NR3C1: variants seen among roughly 807,000 people sequenced by gnomAD.
The protein encoded by NR3C1 is nuclear receptor subfamily 3 group C member 1, also known as glucocorticoid receptor.
In NR3C1, 14 loss-of-function variants were observed where a neutral mutation model predicts 74.0. The ratio of observed to expected loss-of-function variants is 0.19; its 90% confidence interval spans 0.12 to 0.30. The LOEUF is 0.30. Among genes scored for constraint, NR3C1 ranks in the 10% least tolerant of loss-of-function variants. NR3C1 has a pLI of 1.00. For missense variants in NR3C1, 695 were observed against 909.8 expected, an observed-to-expected ratio of 0.76 and a Z score of 3.04; for synonymous variants, 308 against 332.5, an observed-to-expected ratio of 0.93 and a Z score of 0.80.
At chr5:143,291,721 G>A (rs1343392755) in intron 7 of NR3C1, among the ~76,000 whole-genome samples, 1 of 152,150 alleles carries the variant, frequency 6.6e-6, no homozygotes, top group Non-Finnish European at 1.5e-5. Flanking sequence ...CTATCTTCAA[G>A]CTCACTGACT....
chr5:143,367,008 T>C (rs997400831), intron 2 of NR3C1, among the ~76,000 whole-genome samples: 4 of 152,028 alleles, frequency 2.6e-5, no homozygotes, highest in African/African-American at 9.7e-5. Flanking sequence ...AATGCAAGCA[T>C]CCTCAACAAA....
intron 1 of NR3C1, among the ~76,000 whole-genome samples, chr5:143,413,944 T>C (rs1841394329): frequency 6.6e-6 from 1 of 152,130 alleles, no homozygotes; most frequent in Non-Finnish European, 1.5e-5. Flanking sequence ...TCCATGACAA[T>C]AGCTTTTTAT....
chr5:143,405,606 A>G (rs910127384), upstream of NR3C1, among the ~76,000 whole-genome samples: 2 of 152,104 alleles, frequency 1.3e-5, no homozygotes, highest in African/African-American at 4.8e-5. Flanking sequence ...GAGACGATCT[A>G]CGGGGGCCGC....
chr5:143,429,092 C>T (rs539417415), intron 1 of NR3C1, among the ~76,000 whole-genome samples: 24 of 152,318 alleles, frequency 1.6e-4, no homozygotes, highest in African/African-American at 5.1e-4. Context: ...TCTAAATTCA[C>T]TGCTTAATAA....
At chr5:143,294,471 TA>T in intron 7 of NR3C1, 1 of 258,778 alleles carries the variant, frequency 3.9e-6, no homozygotes, top group South Asian at 1.5e-4. Flanking sequence ...AGATTTTTCA[TA>T]TACCTCCTGT....
chr5:143,409,892 CA>C (rs1841236652), intron 1 of NR3C1, among the ~76,000 whole-genome samples: 1 of 152,204 alleles, frequency 6.6e-6, no homozygotes, highest in South Asian at 2.1e-4. Context: ...TCATCATAAG[CA>C]ACCTAAAATA....
intron 2 of NR3C1, among the ~76,000 whole-genome samples, chr5:143,322,187 A>G (rs936895311): frequency 2.2e-4 from 34 of 152,208 alleles, no homozygotes; most frequent in African/African-American, 8.0e-4. Context: ...TATTTTCAGC[A>G]TTTACAGATG....
intron 2 of NR3C1, among the ~76,000 whole-genome samples, chr5:143,380,876 T>G (rs2151886449): frequency 6.6e-6 from 1 of 152,270 alleles, no homozygotes; most frequent in Admixed American, 6.5e-5. Flanking sequence ...CTGAAAGCCT[T>G]TCTTCTAAGA....
rs1310112668 is a variant in NR3C1, at chr5:143,332,353, C to T, written c.1185-18185G>A. ...AATCCATAACTTTCTGTAAGAACCA[C>T]ACTGTGGATCATAACATCTGAGCTA... On this transcript the variant is annotated intron_variant, in intron 2 of 8. Coordinates refer to ENST00000394464, the MANE Select transcript of NR3C1 (RefSeq NM_000176.3). Among the ~76,000 whole-genome samples the T allele has an allele frequency of 1.4e-4, 18 of 130,108 alleles. No individual in the cohort carries two copies. In the Admixed American group the frequency reaches 1.6e-3, roughly 12 times the overall value. 85.4% of individuals were successfully genotyped at this position (130,108 alleles called of 152,430 possible). A position where few individuals can be genotyped will look rare whatever the true frequency, so the allele number is the denominator to read the frequency against.
chr5:143,385,858 G>C (rs1222311376), intron 2 of NR3C1, among the ~76,000 whole-genome samples: 4 of 152,190 alleles, frequency 2.6e-5, no homozygotes, highest in Non-Finnish European at 5.9e-5. Context: ...CCATTATCCA[G>C]TTACAAAGTT....
At chr5:143,331,623 C>T (rs1318842627) in intron 2 of NR3C1, among the ~76,000 whole-genome samples, 1 of 152,158 alleles carries the variant, frequency 6.6e-6, no homozygotes, top group Admixed American at 6.5e-5. Flanking sequence ...GAAATCATGT[C>T]CTTTGCGGCA....
At chr5:143,425,069 T>C (rs1477888229) in intron 1 of NR3C1, among the ~76,000 whole-genome samples, 4 of 152,178 alleles carry the variant, frequency 2.6e-5, no homozygotes, top group East Asian at 3.8e-4. Context: ...TCGGGTAGAA[T>C]TGAGAGTCCA....
chr5:143,321,921 G>A (rs1329366054), intron 2 of NR3C1, among the ~76,000 whole-genome samples: 2 of 152,136 alleles, frequency 1.3e-5, no homozygotes, highest in African/African-American at 4.8e-5. Flanking sequence ...TTTAGGTAGG[G>A]CCCATGTCTT....
At chr5:143,316,921 C>T (rs1822219798) in intron 2 of NR3C1, among the ~76,000 whole-genome samples, 1 of 152,118 alleles carries the variant, frequency 6.6e-6, no homozygotes, top group Non-Finnish European at 1.5e-5. Context: ...GGCCACTCAA[C>T]TGTAAGCTAC....
intron 2 of NR3C1, among the ~76,000 whole-genome samples, chr5:143,330,000 C>G (rs1825637181): frequency 6.6e-6 from 1 of 152,124 alleles, no homozygotes; most frequent in Non-Finnish European, 1.5e-5. Context: ...TGTCAATTCA[C>G]AATAACAGAG....
chr5:143,370,884 A>G (rs10482634), intron 2 of NR3C1, among the ~76,000 whole-genome samples: 24,366 of 152,242 alleles, frequency 0.16, 2,374 homozygotes, highest in Middle Eastern at 0.27. Flanking sequence ...GAAGCTTCGC[A>G]TCTGAGAGTG....
chr5:143,351,476 T>C (rs1830208751), intron 2 of NR3C1, among the ~76,000 whole-genome samples: 1 of 152,174 alleles, frequency 6.6e-6, no homozygotes, highest in Non-Finnish European at 1.5e-5. Context: ...TTTCCTCTTT[T>C]GTTGAGGAAA....
intron 1 of NR3C1, among the ~76,000 whole-genome samples, chr5:143,422,808 G>A (rs564568691): frequency 6.6e-6 from 1 of 152,194 alleles, no homozygotes; most frequent in South Asian, 2.1e-4. Context: ...CAAACTGAAA[G>A]TAAGAGTGCT....
rs1448288573 is a variant in NR3C1 at position 143,400,728 on chromosome 5, T to C, written c.112A>G (p.Thr38Ala). The C allele has an allele frequency of 6.2e-7, 1 of 1,614,198 alleles. No homozygotes were observed. Among genetic ancestry groups the C allele is most frequent in the South Asian group, 1.1e-5 (1 of 91,080 alleles). The change falls in exon 2 of 9, where the codon ACT (threonine) becomes GCT (alanine). Residue 38 changes from threonine to alanine, a missense_variant. Thr to Ala is a moderately conservative substitution (Grantham distance 58). Transcript: ENST00000394464. ...GGTGAAGACGCAGAAACCTTCACAG[T>C]AGCTCCTCCTCTTAGGGTTTTATAG... ...DFYKTLRGGA[T>A]VKVSASSPSL...
Sources: gnomAD v4.1 joint callset for allele counts (sites outside exome capture counted in the v4.1 genomes callset) on GRCh38, gnomAD v4.1.1 for gene constraint, MANE v1.5 for transcripts, NCBI Gene and HGNC (gene_info 2026-07-23, HGNC 2026-07-21) for gene names.